Variants in PSMF1 observed in about 807,000 individuals in gnomAD.
PSMF1 encodes proteasome inhibitor PI31 subunit.
A neutral mutation model predicts 29.3 loss-of-function variants in PSMF1; 30 were observed. The ratio of observed to expected loss-of-function variants is 1.02; its 90% confidence interval spans 0.77 to 1.39. The LOEUF (loss-of-function observed/expected upper bound fraction) is 1.39. PSMF1 is among the 40% of genes most tolerant of loss of function. PSMF1 has a pLI of 0.00. For synonymous variants in PSMF1, 134 were observed against 139.7 expected, an observed-to-expected ratio of 0.96 and a Z score of 0.29; for missense variants, 344 against 357.5, an observed-to-expected ratio of 0.96 and a Z score of 0.31.
intron 4 of PSMF1, among the ~76,000 whole-genome samples, chr20:1,140,356 A>G (rs761275450): frequency 3.3e-5 from 5 of 152,222 alleles, no homozygotes; most frequent in Non-Finnish European, 4.4e-5. Context: ...TAGAGAAACC[A>G]TAGTCTTTTC....
At chr20:1,128,370 T>C (rs2086187021) in intron 3 of PSMF1, among the ~76,000 whole-genome samples, 1 of 152,172 alleles carries the variant, frequency 6.6e-6, no homozygotes, top group Non-Finnish European at 1.5e-5. Context: ...CATACTTATA[T>C]CTCCCTTCTC....
chr20:1,118,681 G>A lies in PSMF1; in HGVS notation c.-93G>A, dbSNP rs531894500. On this transcript the variant is annotated 5_prime_UTR_variant, in exon 1 of 7. Transcript: ENST00000335877. ...ACTCGGCAAGAACCAGCGCAAGAGG[G>A]AAGCAGAGTTATAGCTACCCCGGCC... The A allele has an allele frequency of 2.1e-6, 3 of 1,417,788 alleles. No individual in the cohort carries two copies. The Admixed American group carries it at 6.3e-5, about 30-fold the overall frequency. 87.8% of individuals were successfully genotyped at this position (1,417,788 alleles called of 1,614,324 possible).
At chr20:1,138,992 A>G (rs961746319) in intron 4 of PSMF1, among the ~76,000 whole-genome samples, 2 of 152,166 alleles carry the variant, frequency 1.3e-5, no homozygotes, top group African/African-American at 2.4e-5. Context: ...CCTGGCCAAC[A>G]TGGTGAAACC....
chr20:1,165,366 C>A lies in PSMF1; in HGVS notation c.*286C>A. The A allele has an allele frequency of 7.5e-7, 1 of 1,331,766 alleles. No homozygotes were observed. Among genetic ancestry groups the A allele is most frequent in the Non-Finnish European group, 9.6e-7 (1 of 1,041,290 alleles). The allele number at this position is 1,331,766 out of a possible 1,614,324, so 82.5% of individuals were successfully genotyped here. ...CTCCACTTCCCAAGGGAGACTCCGG[C>A]AACCTTCAGCAACATATATCCTCGA... On this transcript the variant is annotated 3_prime_UTR_variant, in exon 7 of 7. Transcript: ENST00000335877.
chr20:1,157,681 T>C (rs1363772191), intron 4 of PSMF1, among the ~76,000 whole-genome samples: 4 of 152,068 alleles, frequency 2.6e-5, no homozygotes, highest in Non-Finnish European at 4.4e-5. Context: ...CACGTGGTCG[T>C]AGCTGGTATT....
chr20:1,126,271 A>G (rs1252243606), intron 2 of PSMF1, among the ~76,000 whole-genome samples: 1 of 152,232 alleles, frequency 6.6e-6, no homozygotes, highest in Non-Finnish European at 1.5e-5. Flanking sequence ...AAGTGCCACA[A>G]GGACAGTGAC....
rs182763299 is a variant in PSMF1, at chr20:1,127,293, A to G, written c.283-133A>G. 1.0e-3 allele frequency: 807 copies of G among 802,014 alleles called. 12 individuals carry two copies. Among genetic ancestry groups the G allele is most frequent in the East Asian group, 6.6e-3 (274 of 41,306 alleles). 49.7% of individuals were successfully genotyped at this position (802,014 alleles called of 1,614,324 possible). A position where few individuals can be genotyped will look rare whatever the true frequency, so the allele number is the denominator to read the frequency against. ...AGCCTTAGGAAGGTATTTCATATAA[A>G]CAGTCCTTATATATGTCTCTGTGGA... On this transcript the variant is annotated intron_variant, in intron 2 of 6. Coordinates refer to ENST00000335877, the MANE Select transcript of PSMF1 (RefSeq NM_006814.5).
chr20:1,166,136 G>T lies in PSMF1; in HGVS notation c.*1056G>T. 1 of 1,571,628 alleles carries T rather than the reference G, an allele frequency of 6.4e-7. No homozygotes were observed. Among genetic ancestry groups the T allele is most frequent in the Non-Finnish European group, 8.6e-7 (1 of 1,158,540 alleles). ...GAGCACAGGAGCATGGGCTGCCTCTGAGTGTGGTGTTGAACTTCGGGAGGA... is the reference window on the plus strand; with the variant it reads ...GAGCACAGGAGCATGGGCTGCCTCTTAGTGTGGTGTTGAACTTCGGGAGGA... On this transcript the variant is annotated 3_prime_UTR_variant, in exon 7 of 7. Coordinates refer to ENST00000335877, the MANE Select transcript of PSMF1 (RefSeq NM_006814.5).
In PSMF1 at chr20:1,155,747, A is replaced by G. The variant is rs1187546393; in HGVS notation, c.552-7383A>G. ...GCACATGCATGGTGGAGACCTTAGTAGCATTGTAAAGCCTATACAAACAGA... is the reference window on the plus strand; with the variant it reads ...GCACATGCATGGTGGAGACCTTAGTGGCATTGTAAAGCCTATACAAACAGA... On this transcript the variant is annotated intron_variant, in intron 4 of 6. Coordinates refer to ENST00000335877, the MANE Select transcript of PSMF1 (RefSeq NM_006814.5). Among the ~76,000 whole-genome samples the G allele has an allele frequency of 3.3e-5, 5 of 152,254 alleles. 1 individual carries two copies. The highest frequency in any genetic ancestry group is 7.3e-5 in the Non-Finnish European group (5 of 68,040).
At chr20:1,150,590 G>A (rs1213041666) in intron 4 of PSMF1, among the ~76,000 whole-genome samples, 1 of 151,868 alleles carries the variant, frequency 6.6e-6, no homozygotes, top group Non-Finnish European at 1.5e-5. Flanking sequence ...CAAATCTCTT[G>A]TTCATTTTTC....
Position 1,130,935 on chromosome 20 carries a change from C to G in PSMF1, c.365+3427C>G, listed in dbSNP as rs376133533. ...CTTAGGGTTGGTCTTCCCTCCTTGC[C>G]TGTGATCTCCTTGAGGGCAGGGTTT... On this transcript the variant is annotated intron_variant, in intron 3 of 6. Transcript: ENST00000335877. Among the ~76,000 whole-genome samples, 9 of 152,372 alleles carry G rather than the reference C, an allele frequency of 5.9e-5. No individual in the cohort carries two copies. The East Asian group carries it at 1.5e-3, about 26-fold the overall frequency.
rs2086791072 is a variant in PSMF1 at position 1,171,644 on chromosome 20, AG to A, written c.*6566del. Among the ~76,000 whole-genome samples, 1 of 152,164 alleles carries A rather than the reference AG, an allele frequency of 6.6e-6. No individual in the cohort carries two copies. Among genetic ancestry groups the A allele is most frequent in the Admixed American group, 6.5e-5 (1 of 15,284 alleles). On this transcript the variant is annotated 3_prime_UTR_variant, in exon 7 of 7. Transcript: ENST00000335877. ...TCCCGCAGCTAGGCTGAGTGTTAAG[AG>A]GAAGGTGCCATACAGGTTCAGCACC...
Position 1,166,197 on chromosome 20 carries a change from G to A in PSMF1, c.*1117G>A. On this transcript the variant is annotated 3_prime_UTR_variant, in exon 7 of 7. Coordinates refer to ENST00000335877, the MANE Select transcript of PSMF1 (RefSeq NM_006814.5). Reference sequence around the variant, plus strand: ...CTGCACCTTGTGTCCTGGCCCACCTGACCTTTGGTGTTCTCCGGATCCTTT... The same window carrying A: ...CTGCACCTTGTGTCCTGGCCCACCTAACCTTTGGTGTTCTCCGGATCCTTT... 2 of 1,611,580 alleles carry A rather than the reference G, an allele frequency of 1.2e-6. No homozygotes were observed. Among genetic ancestry groups the A allele is most frequent in the Non-Finnish European group, 1.7e-6 (2 of 1,179,434 alleles).
At chr20:1,138,950 T>C (rs1467196942) in intron 4 of PSMF1, among the ~76,000 whole-genome samples, 6 of 152,128 alleles carry the variant, frequency 3.9e-5, no homozygotes, top group Admixed American at 3.3e-4. Context: ...CCAAGGCAGG[T>C]GGATTATTTG....
chr20:1,168,230 G>C lies in PSMF1; in HGVS notation c.*3150G>C, dbSNP rs556042354. 1 of 152,350 alleles carries C rather than the reference G, an allele frequency of 6.6e-6. No homozygotes were observed. Among genetic ancestry groups the C allele is most frequent in the Admixed American group, 6.5e-5 (1 of 15,300 alleles). The allele number at this position is 152,350 out of a possible 1,614,324, so 9.4% of individuals were successfully genotyped here. On this transcript the variant is annotated 3_prime_UTR_variant, in exon 7 of 7. Coordinates refer to ENST00000335877, the MANE Select transcript of PSMF1 (RefSeq NM_006814.5). ...GACTTTTGGGGATGGTTCTAGGCTGGATGTGATACAGGGCAGGTTTTGTCT... is the reference window on the plus strand; with the variant it reads ...GACTTTTGGGGATGGTTCTAGGCTGCATGTGATACAGGGCAGGTTTTGTCT...
At chr20:1,141,474 G>T (rs973463191) in intron 4 of PSMF1, among the ~76,000 whole-genome samples, 1 of 152,060 alleles carries the variant, frequency 6.6e-6, no homozygotes, top group African/African-American at 2.4e-5. Context: ...CCATGACTGG[G>T]GCTTTTTTTT....
chr20:1,121,293 A>G (rs1185163786), intron 1 of PSMF1, among the ~76,000 whole-genome samples: 2 of 152,096 alleles, frequency 1.3e-5, no homozygotes, highest in East Asian at 3.9e-4. Flanking sequence ...TTTGTAAGGC[A>G]TTGCCACCTT....
chr20:1,155,044 A>G (rs549645270), intron 4 of PSMF1, among the ~76,000 whole-genome samples: 1 of 152,252 alleles, frequency 6.6e-6, no homozygotes, highest in Admixed American at 6.5e-5. Context: ...ATTTGAGAAT[A>G]TGAAAACTCC....
upstream of PSMF1, chr20:1,118,468 G>A (rs1026715808): frequency 4.1e-5 from 11 of 271,602 alleles, no homozygotes; most frequent in African/African-American, 2.4e-4. Context: ...CCTGTCGACT[G>A]CCGCCAAGAC....
Sources: gnomAD v4.1 joint callset for allele counts (sites outside exome capture counted in the v4.1 genomes callset) on GRCh38, gnomAD v4.1.1 for gene constraint, MANE v1.5 for transcripts, NCBI Gene and HGNC (gene_info 2026-07-23, HGNC 2026-07-21) for gene names.